Variants in PLSCR2 observed in about 807,000 individuals in gnomAD.
PLSCR2 encodes the protein phospholipid scramblase 2.
A neutral mutation model predicts 25.3 loss-of-function variants in PLSCR2; 18 were observed. That is an observed-to-expected ratio of 0.71 (90% CI 0.49 to 1.06). PLSCR2 has a LOEUF of 1.06. Among genes scored for constraint, PLSCR2 ranks in the 50% least tolerant of loss-of-function variants. The pLI is 0.00. For synonymous variants in PLSCR2, 88 were observed against 87.3 expected, an observed-to-expected ratio of 1.01 and a Z score of -0.04; for missense variants, 243 against 269.5, an observed-to-expected ratio of 0.90 and a Z score of 0.69.
At chr3:146,438,139 CA>C (rs1179967007), downstream of PLSCR2, among the ~76,000 whole-genome samples, 3 of 151,914 alleles carry the variant, frequency 2.0e-5, no homozygotes, top group Non-Finnish European at 4.4e-5. Flanking sequence ...GTCTGAGAGA[CA>C]GTTTTTTATA....
intron 6 of PLSCR2, among the ~76,000 whole-genome samples, chr3:146,445,665 G>A (rs1017343687): frequency 1.3e-5 from 2 of 151,864 alleles, no homozygotes; most frequent in African/African-American, 4.8e-5. Flanking sequence ...TAACCTTCTT[G>A]TATTTGAATA....
At chr3:146,479,937 C>G (rs1308926244) in intron 1 of PLSCR2, among the ~76,000 whole-genome samples, 1 of 152,198 alleles carries the variant, frequency 6.6e-6, no homozygotes, top group Non-Finnish European at 1.5e-5. Flanking sequence ...GAAACTCACT[C>G]AAAACCACAC....
At chr3:146,474,108 A>ATATGAAAG (rs76257097) in intron 1 of PLSCR2, among the ~76,000 whole-genome samples, 1 of 151,772 alleles carries the variant, frequency 6.6e-6, no homozygotes, top group South Asian at 2.1e-4. Flanking sequence ...TTGTATATGT[A>ATATGAAAG]TATTAATATG....
chr3:146,435,334 G>A (rs935634058), intron 8 of PLSCR2, among the ~76,000 whole-genome samples: 6 of 152,166 alleles, frequency 3.9e-5, no homozygotes, highest in African/African-American at 1.2e-4. Context: ...CTAGATCCTT[G>A]AGGAATTGCC....
At chr3:146,469,101 TTAC>T in intron 1 of PLSCR2, 1 of 984,392 alleles carries the variant, frequency 1.0e-6, no homozygotes, top group Non-Finnish European at 1.2e-6. Context: ...CATTGAATAC[TTAC>T]TGATAAATGA....
At chr3:146,392,800 G>A (rs574188795) in intron 3 of PLSCR2, among the ~76,000 whole-genome samples, 1 of 146,904 alleles carries the variant, frequency 6.8e-6, no homozygotes, top group East Asian at 2.0e-4. Flanking sequence ...GTTTATTTTT[G>A]TTTGCTTAAT....
intron 2 of PLSCR2, among the ~76,000 whole-genome samples, chr3:146,402,636 T>G (rs1438439290): frequency 6.6e-6 from 1 of 151,972 alleles, no homozygotes; most frequent in East Asian, 1.9e-4. Flanking sequence ...CCCAGCTAAT[T>G]TTTTGGTATT....
downstream of PLSCR2, among the ~76,000 whole-genome samples, chr3:146,437,731 A>G (rs138296009): frequency 7.7e-4 from 117 of 151,718 alleles, no homozygotes; most frequent in African/African-American, 2.7e-3. Flanking sequence ...CACCTCCTGG[A>G]TTCATTAATT....
intron 3 of PLSCR2, among the ~76,000 whole-genome samples, chr3:146,393,894 C>T (rs1390608347): frequency 6.7e-6 from 1 of 150,212 alleles, no homozygotes; most frequent in Non-Finnish European, 1.5e-5. Context: ...TACTAATGTT[C>T]TGTCTCTTAT....
intron 1 of PLSCR2, among the ~76,000 whole-genome samples, chr3:146,470,751 G>C (rs1235172579): frequency 6.6e-6 from 1 of 152,084 alleles, no homozygotes; most frequent in African/African-American, 2.4e-5. Context: ...GAAAGAAATT[G>C]AGAAAATAAG....
At chr3:146,455,731 CTT>C (rs2041180293) in intron 3 of PLSCR2, among the ~76,000 whole-genome samples, 2 of 152,150 alleles carry the variant, frequency 1.3e-5, no homozygotes, top group African/African-American at 4.8e-5. Context: ...AGAAGAGAGA[CTT>C]TGCTGCTGAG....
intron 2 of PLSCR2, chr3:146,415,038 A>T (rs1477318941): frequency 2.0e-5 from 3 of 152,648 alleles, no homozygotes. Flanking sequence ...AGACTTAAGA[A>T]ACACTTTAAT....
rs1560018360 is a variant in PLSCR2, at chr3:146,453,997, C to T, written c.483+5G>A. 6.4e-7 allele frequency: 1 copy of T among 1,562,654 alleles called. No individual in the cohort carries two copies. The highest frequency in any genetic ancestry group is 1.4e-5 in the African/African-American group (1 of 72,038). ...AAATCCTATAAACATTATGACATCT[C>T]TTACCTCAAAATCAACACCCGCAAT... On this transcript the variant is annotated splice_donor_5th_base_variant and intron_variant, in intron 5 of 6. Transcript: ENST00000610787.
At chr3:146,479,268 A>G (rs570847115) in intron 1 of PLSCR2, among the ~76,000 whole-genome samples, 1 of 152,360 alleles carries the variant, frequency 6.6e-6, no homozygotes, top group East Asian at 1.9e-4. Context: ...TAGATGGACT[A>G]AATGCCCCAA....
intron 3 of PLSCR2, chr3:146,391,670 T>C (rs1048229577): frequency 1.3e-5 from 2 of 152,556 alleles, no homozygotes; most frequent in Non-Finnish European, 2.9e-5. Context: ...TATAATAACA[T>C]GATCACAAAA....
chr3:146,447,561 G>C (rs1299519259), intron 6 of PLSCR2, among the ~76,000 whole-genome samples: 1 of 152,090 alleles, frequency 6.6e-6, no homozygotes, highest in Non-Finnish European at 1.5e-5. Flanking sequence ...TAGGGGGGTG[G>C]TATACAAGTT....
chr3:146,395,834 T>G (rs1283907417), exon 3 of PLSCR2: 1 of 182,714 alleles, frequency 5.5e-6, no homozygotes, highest in East Asian at 1.8e-4. Context: ...ATCCCAAATT[T>G]CTCACCATTG....
At chr3:146,392,718 T>G (rs2038122740) in intron 3 of PLSCR2, among the ~76,000 whole-genome samples, 1 of 151,710 alleles carries the variant, frequency 6.6e-6, no homozygotes, top group Non-Finnish European at 1.5e-5. Flanking sequence ...TTAAATTTAG[T>G]AGTCTGTTAC....
intron 5 of PLSCR2, among the ~76,000 whole-genome samples, chr3:146,453,595 G>A (rs1195530937): frequency 2.0e-5 from 3 of 152,064 alleles, no homozygotes; most frequent in Non-Finnish European, 2.9e-5. Context: ...GGAACTCAAA[G>A]ATGTCAGAAC....
Sources: gnomAD v4.1 joint callset for allele counts (sites outside exome capture counted in the v4.1 genomes callset) on GRCh38, gnomAD v4.1.1 for gene constraint, MANE v1.5 for transcripts, NCBI Gene and HGNC (gene_info 2026-07-23, HGNC 2026-07-21) for gene names.